CYP7B1: variants seen among roughly 807,000 people sequenced by gnomAD.
The protein encoded by CYP7B1 is cytochrome P450 family 7 subfamily B member 1.
CYP7B1 carries 29 observed loss-of-function variants against 42.7 expected under a neutral mutation model. The ratio of observed to expected loss-of-function variants is 0.68; its 90% CI spans 0.51 to 0.93. The LOEUF (loss-of-function observed/expected upper bound fraction) is 0.93, where lower values mean the gene tolerates loss of function less well. Ranked by LOEUF, CYP7B1 falls within the 40% of genes least tolerant of loss-of-function variation. The pLI is 0.00. For missense variants in CYP7B1, 655 were observed against 600.5 expected (o/e 1.09, Z -0.95); for synonymous variants, 235 against 218.2 (o/e 1.08, Z -0.68).
At chr8:64,665,795 C>T (rs1242867566) in intron 1 of CYP7B1, among the ~76,000 whole-genome samples, 1 of 151,842 alleles carries the variant, frequency 6.6e-6, no homozygotes, top group Non-Finnish European at 1.5e-5. Context: ...CGGCTGGTCT[C>T]GAACTCCCGA....
rs191650149 is a variant in CYP7B1 at position 64,677,076 on chromosome 8, A to C, written c.123-52537T>G. On this transcript the variant is annotated intron_variant, in intron 1 of 5. Coordinates refer to ENST00000310193, the MANE Select transcript of CYP7B1 (RefSeq NM_004820.5). ...CTCAGGAATGTTAACAGAAAAGCCC[A>C]CTAGACAAAATATATTTACACGAAC... 5.4e-3 allele frequency among the ~76,000 whole-genome samples: 821 copies of C among 152,244 alleles called. 7 individuals carry two copies. Among genetic ancestry groups the C allele is most frequent in the Non-Finnish European group, 8.7e-3 (592 of 67,996 alleles).
At chr8:64,661,526 A>G (rs1470224648) in intron 1 of CYP7B1, among the ~76,000 whole-genome samples, 1 of 152,196 alleles carries the variant, frequency 6.6e-6, no homozygotes, top group African/African-American at 2.4e-5. Context: ...TTTATCCTAG[A>G]TATATCCAGA....
intron 1 of CYP7B1, among the ~76,000 whole-genome samples, chr8:64,730,975 C>T (rs774155784): frequency 1.3e-5 from 2 of 152,134 alleles, no homozygotes; most frequent in Non-Finnish European, 2.9e-5. Flanking sequence ...CTTTTTCCCT[C>T]CTCACTCTGC....
intron 2 of CYP7B1, among the ~76,000 whole-genome samples, chr8:64,617,652 G>A (rs1405054042): frequency 6.6e-6 from 1 of 151,920 alleles, no homozygotes; most frequent in Admixed American, 6.6e-5. Flanking sequence ...CTTATTTATT[G>A]TCTTCATGTC....
chr8:64,604,925 A>C (rs1006210896), intron 4 of CYP7B1, 68 bp from the exon 5 acceptor site: 2 of 1,500,308 alleles, frequency 1.3e-6, no homozygotes, highest in Admixed American at 3.6e-5. Flanking sequence ...CTCAGTTTGC[A>C]ATAAAACTCA....
chr8:64,677,818 A>C (rs141941838), intron 1 of CYP7B1, among the ~76,000 whole-genome samples: 1 of 149,130 alleles, frequency 6.7e-6, no homozygotes, highest in Non-Finnish European at 1.5e-5. Context: ...TGTAGTTAGC[A>C]TACTTTCTGG....
At chr8:64,752,695 T>C (rs1480344638) in intron 1 of CYP7B1, among the ~76,000 whole-genome samples, 1 of 152,214 alleles carries the variant, frequency 6.6e-6, no homozygotes, top group African/African-American at 2.4e-5. Flanking sequence ...CTTTTCTACA[T>C]ATGTAAGTCT....
chr8:64,696,803 G>A (rs961710051), intron 1 of CYP7B1, among the ~76,000 whole-genome samples: 1 of 152,014 alleles, frequency 6.6e-6, no homozygotes, highest in Admixed American at 6.6e-5. Flanking sequence ...AAGTTCCTAG[G>A]TAATTCTTTT....
chr8:64,722,743 CGGG>C (rs71260899), intron 1 of CYP7B1, among the ~76,000 whole-genome samples: 2 of 7,638 alleles, frequency 2.6e-4, no homozygotes, highest in Non-Finnish European at 6.0e-4. Context: ...TTTTTTGCGG[CGGG>C]GGGGGGGGGG....
intron 1 of CYP7B1, among the ~76,000 whole-genome samples, chr8:64,630,975 G>T (rs1184819691): frequency 3.9e-5 from 6 of 152,110 alleles, no homozygotes; most frequent in Non-Finnish European, 8.8e-5. Context: ...CAGTGACCTG[G>T]GAAAAACTTC....
intron 1 of CYP7B1, among the ~76,000 whole-genome samples, chr8:64,768,102 C>T (rs992745519): frequency 1.1e-4 from 16 of 152,102 alleles, no homozygotes; most frequent in Non-Finnish European, 2.1e-4. Flanking sequence ...GGAAGGTGAC[C>T]GCATCTACCT....
chr8:64,709,375 T>TTA lies in CYP7B1; in HGVS notation c.123-84837_123-84836insTA, dbSNP rs1315988584. Among the ~76,000 whole-genome samples the TTA allele has an allele frequency of 2.0e-5, 3 of 152,186 alleles. No homozygotes were observed. The East Asian group carries it at 5.8e-4, about 29-fold the overall frequency. On this transcript the variant is annotated intron_variant, in intron 1 of 5. Transcript: ENST00000310193. ...GTGTAGAGGGAGAAGAAAAGAGTGTTATGCATTTAATTCTCCCCACTGCAT... is the reference window on the plus strand; with the variant it reads ...GTGTAGAGGGAGAAGAAAAGAGTGTTTAATGCATTTAATTCTCCCCACTGCAT...
Position 64,798,515 on chromosome 8 carries a change from C to T in CYP7B1, c.73G>A (p.Ala25Thr). The T allele has an allele frequency of 1.3e-6, 2 of 1,506,730 alleles. No homozygotes were observed. The highest frequency in any genetic ancestry group is 1.4e-5 in the African/African-American group (1 of 69,206). 93.3% of individuals were successfully genotyped at this position (1,506,730 alleles called of 1,614,324 possible). A position where few individuals can be genotyped will look rare whatever the true frequency, so the allele number is the denominator to read the frequency against. Reference protein sequence around the residue: ...ERLGLPGLALAAALLLLALCL... With the variant: ...ERLGLPGLALTAALLLLALCL... The stretch of plus-strand genomic sequence containing the variant: ...AGGGCCAGGAGCAGCAGGGCCGCGG[C>T]GAGGGCCAGGCCCGGGAGGCCCAAC... Residue 25 changes from alanine to threonine, a missense_variant, in exon 1 of 6, where the codon GCC becomes ACC. Ala to Thr is a moderately conservative substitution (Grantham distance 58). Transcript: ENST00000310193.
At chr8:64,777,504 G>A (rs1299629655) in intron 1 of CYP7B1, among the ~76,000 whole-genome samples, 12 of 152,070 alleles carry the variant, frequency 7.9e-5, no homozygotes, top group Admixed American at 7.9e-4. Flanking sequence ...AATAAAATCT[G>A]AGTAGCAAAA....
intron 1 of CYP7B1, 73 bp downstream of exon 1, chr8:64,798,393 C>T: frequency 7.0e-7 from 1 of 1,432,372 alleles, no homozygotes; most frequent in African/African-American, 1.5e-5. Context: ...AGGGGGACTC[C>T]CCTCGCCATC....
At chr8:64,674,605 G>T (rs1806415974) in intron 1 of CYP7B1, among the ~76,000 whole-genome samples, 1 of 152,010 alleles carries the variant, frequency 6.6e-6, no homozygotes, top group South Asian at 2.1e-4. Flanking sequence ...ATGAAAAAAG[G>T]CAAAGACAAA....
At chr8:64,779,876 T>TG (rs1220082744) in intron 1 of CYP7B1, among the ~76,000 whole-genome samples, 7 of 152,120 alleles carry the variant, frequency 4.6e-5, no homozygotes, top group Non-Finnish European at 1.0e-4. Context: ...TATCTACCTA[T>TG]GCCAGGAAGC....
chr8:64,588,040 T>C (rs1168317173), downstream of CYP7B1, among the ~76,000 whole-genome samples: 7 of 152,218 alleles, frequency 4.6e-5, no homozygotes, highest in Admixed American at 2.6e-4. Flanking sequence ...CTCAACCTGA[T>C]TCAGAGATGC....
At chr8:64,697,397 C>CG (rs897608898) in intron 1 of CYP7B1, among the ~76,000 whole-genome samples, 3 of 152,110 alleles carry the variant, frequency 2.0e-5, no homozygotes, top group African/African-American at 7.2e-5. Context: ...GTAAGCCCCC[C>CG]TCCCGCTGTG....
Sources: gnomAD v4.1 joint callset for allele counts (sites outside exome capture counted in the v4.1 genomes callset) on GRCh38, gnomAD v4.1.1 for gene constraint, MANE v1.5 for transcripts, NCBI Gene and HGNC (gene_info 2026-07-23, HGNC 2026-07-21) for gene names.